Variants in CLNK observed in about 807,000 individuals in gnomAD.
CLNK encodes the protein cytokine-dependent hematopoietic cell linker.
CLNK carries 74 observed loss-of-function variants against 68.6 expected under a neutral mutation model. That is an observed-to-expected ratio of 1.08 (90% CI 0.89 to 1.31). The LOEUF is 1.31. Ranked by LOEUF, CLNK falls within the 50% of genes most tolerant of loss-of-function variation. CLNK has a pLI of 0.00. For synonymous variants in CLNK, 198 were observed against 172.2 expected (o/e 1.15, Z -1.17); for missense variants, 553 against 515.3 (o/e 1.07, Z -0.71).
chr4:10,641,565 T>A (rs1676059526), intron 2 of CLNK, among the ~76,000 whole-genome samples: 1 of 152,182 alleles, frequency 6.6e-6, no homozygotes, highest in Non-Finnish European at 1.5e-5. Flanking sequence ...CTAAGAGATG[T>A]ATTCCCCCAG....
chr4:10,626,348 CT>C, intron 2 of CLNK, among the ~76,000 whole-genome samples: 1 of 152,320 alleles, frequency 6.6e-6, no homozygotes, highest in East Asian at 1.9e-4. Context: ...TCTCTTGCTT[CT>C]TTTTATTTCG....
the CLNK span, among the ~76,000 whole-genome samples, chr4:10,726,790 T>G: frequency 6.6e-6 from 1 of 152,226 alleles, no homozygotes; most frequent in Non-Finnish European, 1.5e-5. Flanking sequence ...CCACATGGTT[T>G]AGAATCCCTC....
intron 4 of CLNK, among the ~76,000 whole-genome samples, chr4:10,573,650 A>T (rs1336986613): frequency 6.6e-6 from 1 of 152,216 alleles, no homozygotes; most frequent in African/African-American, 2.4e-5. Flanking sequence ...CGAGGAAAAC[A>T]ACTCCACTGT....
chr4:10,631,503 G>A (rs1176388121), intron 2 of CLNK, among the ~76,000 whole-genome samples: 4 of 151,838 alleles, frequency 2.6e-5, no homozygotes, highest in African/African-American at 2.4e-5. Flanking sequence ...TTTGCATTAT[G>A]TGAAAATAAG....
At chr4:10,664,229 T>A (rs1321733905) in intron 2 of CLNK, among the ~76,000 whole-genome samples, 3 of 150,476 alleles carry the variant, frequency 2.0e-5, no homozygotes, top group Non-Finnish European at 3.0e-5. Context: ...CATTAACAAG[T>A]AAAAAAAAAA....
At chr4:10,730,191 G>A in the CLNK span, among the ~76,000 whole-genome samples, 7 of 152,052 alleles carry the variant, frequency 4.6e-5, no homozygotes, top group South Asian at 2.1e-4. Context: ...CACCATCTGC[G>A]GCCACCCTGG....
At chr4:10,582,296 C>T (rs1218254767) in intron 4 of CLNK, among the ~76,000 whole-genome samples, 2 of 152,174 alleles carry the variant, frequency 1.3e-5, no homozygotes, top group African/African-American at 2.4e-5. Flanking sequence ...TCTATACCTG[C>T]CTGTCTCCCT....
chr4:10,724,692 T>C, the CLNK span, among the ~76,000 whole-genome samples: 33 of 152,142 alleles, frequency 2.2e-4, no homozygotes, highest in Non-Finnish European at 1.0e-4. Flanking sequence ...ATGAATTTAT[T>C]TTACGGCAAA....
At position 10,538,838 on chromosome 4, in the gene CLNK, T is replaced by C. The variant is rs191232094; in HGVS notation, c.602+1656A>G. Among the ~76,000 whole-genome samples the C allele has an allele frequency of 3.9e-5, 6 of 152,314 alleles. No individual in the cohort carries two copies. In the East Asian group the frequency reaches 7.7e-4, roughly 20 times the overall value. On this transcript the variant is annotated intron_variant, in intron 11 of 18. Transcript: ENST00000226951. Reference sequence around the variant, plus strand: ...TTCTATGGGGCAACATAGGTACCAATGGAGAAGGGCCCAAGGTAATAAAAG... The same window carrying C: ...TTCTATGGGGCAACATAGGTACCAACGGAGAAGGGCCCAAGGTAATAAAAG...
chr4:10,532,786 G>GA (rs532816177), intron 11 of CLNK, among the ~76,000 whole-genome samples: 4 of 152,140 alleles, frequency 2.6e-5, no homozygotes, highest in South Asian at 2.1e-4. Context: ...GAATGGTAGA[G>GA]AAAAAATCCA....
At chr4:10,528,735 G>T (rs1718422216) in intron 12 of CLNK, among the ~76,000 whole-genome samples, 1 of 152,090 alleles carries the variant, frequency 6.6e-6, no homozygotes, top group Admixed American at 6.6e-5. Context: ...TGTGTATGCA[G>T]AAAAAATGAT....
At chr4:10,537,266 T>A (rs1235769688) in intron 11 of CLNK, among the ~76,000 whole-genome samples, 1 of 152,118 alleles carries the variant, frequency 6.6e-6, no homozygotes, top group African/African-American at 2.4e-5. Flanking sequence ...TCACCTGAGG[T>A]CAGGAGTTCG....
intron 8 of CLNK, among the ~76,000 whole-genome samples, chr4:10,554,158 T>A (rs1198000218): frequency 2.6e-5 from 4 of 152,224 alleles, no homozygotes; most frequent in African/African-American, 9.6e-5. Context: ...ATTTAGAATG[T>A]CCTGCTTCTG....
intron 8 of CLNK, among the ~76,000 whole-genome samples, chr4:10,548,225 C>A (rs1719311891): frequency 6.6e-6 from 1 of 152,110 alleles, no homozygotes; most frequent in African/African-American, 2.4e-5. Context: ...TTCACTGTGG[C>A]TCTGAGTTGC....
chr4:10,516,602 G>T (rs1438323818), intron 15 of CLNK, among the ~76,000 whole-genome samples: 3 of 149,364 alleles, frequency 2.0e-5, no homozygotes, highest in African/African-American at 7.4e-5. Context: ...GCCCAGGCTG[G>T]AGTGCAATGG....
intron 2 of CLNK, among the ~76,000 whole-genome samples, chr4:10,621,413 T>C (rs951190598): frequency 6.6e-6 from 1 of 152,194 alleles, no homozygotes; most frequent in African/African-American, 2.4e-5. Context: ...AGTCTATCAT[T>C]CAATCAAAGA....
At chr4:10,546,709 C>G (rs929232641) in intron 8 of CLNK, among the ~76,000 whole-genome samples, 4 of 152,138 alleles carry the variant, frequency 2.6e-5, no homozygotes, top group African/African-American at 9.7e-5. Context: ...TATTCATTAT[C>G]AGCAACACTC....
chr4:10,712,319 T>G, the CLNK span, among the ~76,000 whole-genome samples: 3 of 151,620 alleles, frequency 2.0e-5, no homozygotes, highest in Non-Finnish European at 4.4e-5. Context: ...AGGGGTGGGG[T>G]GGTGGTGGTG....
the CLNK span, among the ~76,000 whole-genome samples, chr4:10,720,475 C>T: frequency 4.6e-3 from 703 of 151,772 alleles, 3 homozygotes; most frequent in Non-Finnish European, 7.8e-3. Context: ...GACAAATGAG[C>T]GCATGAAATG....
Sources: allele counts gnomAD v4.1 joint callset (sites outside exome capture counted in the v4.1 genomes callset), GRCh38; gene constraint gnomAD v4.1.1; transcripts MANE v1.5; gene names NCBI Gene and HGNC (gene_info 2026-07-23, HGNC 2026-07-21).